Variants in ZNF676 observed in about 807,000 individuals in gnomAD.
The protein encoded by ZNF676 is zinc finger protein 676.
Under a neutral mutation model 6.0 loss-of-function variants are expected in ZNF676, and 4 were observed. The ratio of observed to expected loss-of-function variants is 0.67; its 90% CI spans 0.33 to 1.53. ZNF676 has a LOEUF of 1.53. ZNF676 is among the 40% of genes most tolerant of loss of function. The pLI is 0.06. For missense variants in ZNF676, 644 were observed against 679.7 expected (o/e 0.95, Z 0.58); for synonymous variants, 198 against 223.1 (o/e 0.89, Z 1.00).
the ZNF676 span, among the ~76,000 whole-genome samples, chr19:22,226,056 T>G: frequency 1.3e-5 from 2 of 152,128 alleles, no homozygotes; most frequent in East Asian, 3.9e-4. Context: ...AAGACACTTA[T>G]TAGCTATTTT....
intron 2 of ZNF676, among the ~76,000 whole-genome samples, chr19:22,182,585 TAAAAAAAAAA>T (rs67699215): frequency 2.2e-5 from 1 of 45,066 alleles, no homozygotes; most frequent in Non-Finnish European, 3.8e-5. Flanking sequence ...GTCAAAGTTC[TAAAAAAAAAA>T]AAAAAAAGCA....
At chr19:22,253,001 A>C in the ZNF676 span, among the ~76,000 whole-genome samples, 1 of 152,176 alleles carries the variant, frequency 6.6e-6, no homozygotes, top group Admixed American at 6.5e-5. Context: ...TATGTTGGGT[A>C]TAGGTGTATA....
chr19:22,237,280 G>A, the ZNF676 span, among the ~76,000 whole-genome samples: 2 of 152,156 alleles, frequency 1.3e-5, no homozygotes, highest in Non-Finnish European at 2.9e-5. Context: ...TAAACTATTA[G>A]AAGCTTTTTT....
intron 1 of ZNF676, among the ~76,000 whole-genome samples, chr19:22,213,821 T>C (rs879776593): frequency 1.1e-4 from 16 of 152,154 alleles, no homozygotes; most frequent in African/African-American, 3.4e-4. Context: ...ATGGCCAGTA[T>C]CTTGGTTTTT....
At chr19:22,190,664 T>TATATATATATATAC (rs1157566142) in intron 2 of ZNF676, among the ~76,000 whole-genome samples, 26 of 111,796 alleles carry the variant, frequency 2.3e-4, no homozygotes, top group South Asian at 7.5e-4. Context: ...TATATATATA[T>TATATATATATATAC]ACATACACAC....
the ZNF676 span, among the ~76,000 whole-genome samples, chr19:22,222,918 T>G: frequency 6.6e-6 from 1 of 152,186 alleles, no homozygotes; most frequent in East Asian, 1.9e-4. Flanking sequence ...TACATCAGGA[T>G]GTGGATGAGG....
intron 2 of ZNF676, among the ~76,000 whole-genome samples, chr19:22,184,826 GAAAAAAAAAAAAA>G (rs144833243): frequency 4.6e-4 from 24 of 52,690 alleles, no homozygotes; most frequent in African/African-American, 8.0e-4. Context: ...GGGCATCTTT[GAAAAAAAAAAAAA>G]AAAAAAAAAA....
rs747864454 is a variant in ZNF676, at chr19:22,195,947, T to C, written c.34+653A>G. Among the ~76,000 whole-genome samples, 61 of 152,194 alleles carry C rather than the reference T, an allele frequency of 4.0e-4. 1 individual carries two copies. Among genetic ancestry groups the C allele is most frequent in the Admixed American group, 1.2e-3 (19 of 15,278 alleles). ...GCAAGGCCTGGAGAGCCTCAATCCT[T>C]GGACCTATCTAAAGCACCACACAAA... On this transcript the variant is annotated intron_variant, in intron 1 of 2. Transcript: ENST00000397121.
upstream of ZNF676, among the ~76,000 whole-genome samples, chr19:22,217,382 T>C (rs567860724): frequency 1.0e-3 from 159 of 152,102 alleles, no homozygotes; most frequent in African/African-American, 3.8e-3. Context: ...TTTGTAGTTT[T>C]AGTAGAGACA....
At chr19:22,221,557 C>T in the ZNF676 span, among the ~76,000 whole-genome samples, 1 of 152,128 alleles carries the variant, frequency 6.6e-6, no homozygotes, top group African/African-American at 2.4e-5. Flanking sequence ...TCAAAACCAG[C>T]CTGGTCAACA....
At chr19:22,223,009 T>A in the ZNF676 span, among the ~76,000 whole-genome samples, 1 of 152,150 alleles carries the variant, frequency 6.6e-6, no homozygotes, top group Admixed American at 6.5e-5. Flanking sequence ...CCATAAACTG[T>A]GGATTGGAGT....
the ZNF676 span, among the ~76,000 whole-genome samples, chr19:22,249,082 A>G: frequency 6.6e-6 from 1 of 152,210 alleles, no homozygotes; most frequent in Non-Finnish European, 1.5e-5. Context: ...TAAAAATAAT[A>G]AATGCTTAAG....
At chr19:22,191,126 C>G (rs753280907) in intron 2 of ZNF676, among the ~76,000 whole-genome samples, 9 of 152,124 alleles carry the variant, frequency 5.9e-5, no homozygotes, top group Non-Finnish European at 1.3e-4. Flanking sequence ...TAAGACCAAC[C>G]TGGGTTATGT....
chr19:22,242,173 G>A, the ZNF676 span, among the ~76,000 whole-genome samples: 27 of 151,966 alleles, frequency 1.8e-4, no homozygotes, highest in African/African-American at 6.6e-4. Context: ...GCCAGGCCAA[G>A]ATGTATGTAA....
chr19:22,185,559 A>G (rs2023826409), intron 2 of ZNF676, among the ~76,000 whole-genome samples: 3 of 152,012 alleles, frequency 2.0e-5, no homozygotes, highest in African/African-American at 7.2e-5. Flanking sequence ...TGCAAATTTC[A>G]GAGGTGGGTA....
At position 22,180,127 on chromosome 19, in the gene ZNF676, C is replaced by T; in HGVS notation, c.1590G>A (p.Glu530=). 6.2e-7 allele frequency: 1 copy of T among 1,613,764 alleles called. No individual in the cohort carries two copies. The highest frequency in any genetic ancestry group is 1.3e-5 in the African/African-American group (1 of 75,008). ...CACATTCTTCACATTTGTAGGGTTT[C>T]TCTCCAGTATGAATTATCTTATGTT... ...LTEHKIIHTG[E]KPYKCEECGK... Residue 530 remains glutamate (E), a synonymous_variant, in exon 3 of 3, where the codon GAG becomes GAA. Transcript: ENST00000397121.
At chr19:22,235,151 G>GGAAGGAAA in the ZNF676 span, among the ~76,000 whole-genome samples, 19 of 121,056 alleles carry the variant, frequency 1.6e-4, no homozygotes, top group East Asian at 5.5e-4. Context: ...AAGGAAGGAA[G>GGAAGGAAA]GAAAGAAAGA....
the ZNF676 span, among the ~76,000 whole-genome samples, chr19:22,246,391 G>A: frequency 6.6e-6 from 1 of 151,698 alleles, no homozygotes; most frequent in East Asian, 2.0e-4. Context: ...TACATTACCT[G>A]GGTACTTGCT....
chr19:22,250,587 TTTTGTTTGTTTG>T, the ZNF676 span, among the ~76,000 whole-genome samples: 1 of 152,050 alleles, frequency 6.6e-6, no homozygotes, highest in Non-Finnish European at 1.5e-5. Context: ...CCCACCTGTT[TTTTGTTTGTTTG>T]TTTGTTTGTT....
Sources: gnomAD v4.1 joint callset for allele counts (sites outside exome capture counted in the v4.1 genomes callset) on GRCh38, gnomAD v4.1.1 for gene constraint, MANE v1.5 for transcripts, NCBI Gene and HGNC (gene_info 2026-07-23, HGNC 2026-07-21) for gene names.